TET3: variants seen among roughly 807,000 people sequenced by gnomAD.
The protein encoded by TET3 is tet methylcytosine dioxygenase 3, also known as methylcytosine dioxygenase TET3.
A neutral mutation model predicts 141.4 loss-of-function variants in TET3; 19 were observed. That is an observed-to-expected ratio of 0.13 (90% confidence interval 0.09 to 0.20). TET3 has a LOEUF of 0.20. Among genes scored for constraint, TET3 ranks in the 10% least tolerant of loss-of-function variants. The probability of loss-of-function intolerance (pLI) is 1.00; values close to 1 mark genes in which losing one functional copy is unlikely to be tolerated. For synonymous variants in TET3, 1,043 were observed against 980.9 expected, an observed-to-expected ratio of 1.06 and a Z score of -1.18; for missense variants, 1,874 against 2,356.9, an observed-to-expected ratio of 0.80 and a Z score of 4.24.
At chr2:74,081,383 C>A (rs542374325) in intron 6 of TET3, among the ~76,000 whole-genome samples, 4 of 152,318 alleles carry the variant, frequency 2.6e-5, no homozygotes, top group Non-Finnish European at 4.4e-5. Flanking sequence ...GACGAGGGCT[C>A]GGTCCCTATG....
At chr2:74,057,282 C>T (rs1688268773) in intron 4 of TET3, among the ~76,000 whole-genome samples, 1 of 152,220 alleles carries the variant, frequency 6.6e-6, no homozygotes, top group Non-Finnish European at 1.5e-5. Flanking sequence ...TGTCTCTCCA[C>T]ATCAGGACAG....
intron 7 of TET3, 81 bp from the exon 8 acceptor site, chr2:74,089,816 G>A: frequency 1.3e-6 from 2 of 1,552,996 alleles, no homozygotes; most frequent in African/African-American, 1.4e-5. Context: ...GGCTCAGCAG[G>A]GCCACCCCTT....
At chr2:74,081,242 A>G (rs1414867085) in intron 6 of TET3, among the ~76,000 whole-genome samples, 1 of 152,236 alleles carries the variant, frequency 6.6e-6, no homozygotes, top group East Asian at 1.9e-4. Flanking sequence ...TTGCCCTCCC[A>G]GTCCACAGGG....
chr2:74,044,676 A>G (rs1687520965), intron 3 of TET3, among the ~76,000 whole-genome samples: 1 of 152,248 alleles, frequency 6.6e-6, no homozygotes, highest in Non-Finnish European at 1.5e-5. Context: ...AAGTGTTGCT[A>G]GCCTCAGAAA....
At chr2:74,010,672 C>G (rs1685383276) in intron 3 of TET3, among the ~76,000 whole-genome samples, 1 of 152,244 alleles carries the variant, frequency 6.6e-6, no homozygotes, top group Non-Finnish European at 1.5e-5. Context: ...AATGTGCAGT[C>G]AGAGTTGAAA....
At chr2:74,120,066 G>A in the TET3 span, among the ~76,000 whole-genome samples, 1 of 152,200 alleles carries the variant, frequency 6.6e-6, no homozygotes, top group Non-Finnish European at 1.5e-5. Flanking sequence ...GTTACCTCGG[G>A]CCTCTAGGAC....
chr2:74,062,611 G>A (rs1462867827), intron 4 of TET3, among the ~76,000 whole-genome samples: 1 of 152,110 alleles, frequency 6.6e-6, no homozygotes, highest in African/African-American at 2.4e-5. Flanking sequence ...ACATACTATA[G>A]ATTTTCCAGA....
At chr2:74,000,715 C>T (rs1482775607) in intron 2 of TET3, among the ~76,000 whole-genome samples, 1 of 152,086 alleles carries the variant, frequency 6.6e-6, no homozygotes, top group Non-Finnish European at 1.5e-5. Context: ...AAGAGAAGGA[C>T]CTAGATTTGA....
downstream of TET3, among the ~76,000 whole-genome samples, chr2:74,109,960 G>T (rs1037240910): frequency 6.6e-6 from 1 of 152,168 alleles, no homozygotes; most frequent in Non-Finnish European, 1.5e-5. Context: ...TTTGATGAGG[G>T]TTTCATCTCC....
chr2:74,018,574 C>G (rs1685858215), intron 3 of TET3, among the ~76,000 whole-genome samples: 1 of 152,122 alleles, frequency 6.6e-6, no homozygotes, highest in Non-Finnish European at 1.5e-5. Context: ...TTTGTAGTTT[C>G]CCTTGTAGTG....
intron 4 of TET3, among the ~76,000 whole-genome samples, chr2:74,072,684 ACTGT>A (rs1364889018): frequency 6.6e-6 from 1 of 152,130 alleles, no homozygotes; most frequent in Non-Finnish European, 1.5e-5. Context: ...AACTGACACC[ACTGT>A]CTGTTTCCAA....
At chr2:74,024,191 C>T (rs1336079082) in intron 3 of TET3, among the ~76,000 whole-genome samples, 1 of 152,194 alleles carries the variant, frequency 6.6e-6, no homozygotes. Flanking sequence ...GTATTCCTTT[C>T]AGTTAGCAAG....
At position 74,046,407 on chromosome 2, in the gene TET3, G is replaced by C. The variant is rs201350964; in HGVS notation, c.490G>C (p.Gly164Arg). The C allele has an allele frequency of 1.5e-4, 234 of 1,576,728 alleles. No homozygotes were observed. Among genetic ancestry groups the C allele is most frequent in the Non-Finnish European group, 1.8e-4 (212 of 1,162,580 alleles). ...VPVNGAREPA[G>R]PSLLGTGGPW... ...GGTCAATGGTGCTAGAGAGCCCGCT[G>C]GACCCAGTCTGCTGGGGACTGGGGG... Residue 164 changes from glycine to arginine, a missense_variant, in exon 4 of 12, where the codon GGA (glycine) becomes CGA (arginine). Around this residue, in one of 10 missense-constraint regions of TET3, gnomAD observed 366 missense variants for 487.0 expected, o/e 0.75. Transcript: ENST00000409262. This position sits in a 1 kb window ranked among gnomAD's most constrained non-coding sequence, Gnocchi z 4.3.
Position 74,107,086 on chromosome 2 carries a change from A to G in TET3, c.*4910A>G, listed in dbSNP as rs951142762. 1 of 152,266 alleles carries G rather than the reference A, an allele frequency of 6.6e-6. No individual in the cohort carries two copies. The highest frequency in any genetic ancestry group is 1.5e-5 in the Non-Finnish European group (1 of 68,056). 9.4% of individuals were successfully genotyped at this position (152,266 alleles called of 1,614,324 possible). ...CTGCTGTAGTACATGGCCAACTTCAACATACCCTGGACCAAAACATTTTTG... is the reference window on the plus strand; with the variant it reads ...CTGCTGTAGTACATGGCCAACTTCAGCATACCCTGGACCAAAACATTTTTG... On this transcript the variant is annotated 3_prime_UTR_variant, in exon 12 of 12. Coordinates refer to ENST00000409262, the MANE Select transcript of TET3 (RefSeq NM_001287491.2).
chr2:74,030,635 C>G (rs1199369086), intron 3 of TET3, among the ~76,000 whole-genome samples: 1 of 151,974 alleles, frequency 6.6e-6, no homozygotes, highest in Non-Finnish European at 1.5e-5. Context: ...CTGTTTGAAC[C>G]AAGACAGAAG....
chr2:74,060,700 C>G (rs1223613061), intron 4 of TET3, among the ~76,000 whole-genome samples: 1 of 152,062 alleles, frequency 6.6e-6, no homozygotes, highest in East Asian at 1.9e-4. Flanking sequence ...TCCCTGGGTA[C>G]TTGAGATTAG....
the TET3 span, among the ~76,000 whole-genome samples, chr2:74,113,391 A>G: frequency 1.3e-5 from 2 of 152,184 alleles, no homozygotes; most frequent in African/African-American, 4.8e-5. Flanking sequence ...GTCAAAAAAA[A>G]AGAATGTCCA....
intron 3 of TET3, among the ~76,000 whole-genome samples, chr2:74,006,084 CA>C (rs11318523): frequency 0.28 from 42,096 of 149,548 alleles, 9,437 homozygotes; most frequent in African/African-American, 0.63. Context: ...TTGACCACTG[CA>C]AAAAAAAAAT....
rs894690602 is a variant in TET3 at position 74,107,542 on chromosome 2, G to A, written c.*5366G>A. 3 of 151,916 alleles carry A rather than the reference G, an allele frequency of 2.0e-5. No individual in the cohort carries two copies. Among genetic ancestry groups the A allele is most frequent in the African/African-American group, 7.3e-5 (3 of 41,362 alleles). 9.4% of individuals were successfully genotyped at this position (151,916 alleles called of 1,614,324 possible). A position where few individuals can be genotyped will look rare whatever the true frequency, so the allele number is the denominator to read the frequency against. ...TCAATACCCTTTTTTTTCTTTTGAG[G>A]GGAAAAGAGGGGAGAAAAACAGGAG... On this transcript the variant is annotated 3_prime_UTR_variant, in exon 12 of 12. Transcript: ENST00000409262.
Sources: gnomAD v4.1 joint callset for allele counts (sites outside exome capture counted in the v4.1 genomes callset) on GRCh38, gnomAD v4.1.1 for gene constraint, gnomAD v4.1.1 regional missense constraint, Gnocchi (gnomAD v3.1) non-coding constraint, MANE v1.5 for transcripts, NCBI Gene and HGNC (gene_info 2026-07-23, HGNC 2026-07-21) for gene names.